LPXN: variants seen among roughly 807,000 people sequenced by gnomAD.
LPXN encodes the protein leupaxin.
A neutral mutation model predicts 45.6 loss-of-function variants in LPXN; 28 were observed. The ratio of observed to expected loss-of-function variants is 0.61; its 90% CI spans 0.45 to 0.84. LPXN has a LOEUF of 0.84. LPXN is among the 40% of genes least tolerant of loss of function. The pLI is 0.00. For missense variants in LPXN, 459 were observed against 475.0 expected, an observed-to-expected ratio of 0.97 and a Z score of 0.31; for synonymous variants, 166 against 169.9, an observed-to-expected ratio of 0.98 and a Z score of 0.18.
chr11:58,551,029 A>G (rs771583487), intron 5 of LPXN, 36 bp downstream of exon 5: 4 of 1,509,244 alleles, frequency 2.7e-6, no homozygotes, highest in African/African-American at 2.8e-5. Context: ...AGAGAGACAA[A>G]GAAGGCTGTA....
At position 58,570,655 on chromosome 11, in the gene LPXN, G is replaced by A; in HGVS notation, c.72C>T (p.Asn24=). The change falls in exon 2 of 9, where the codon AAC becomes AAT. Residue 24 remains asparagine, a synonymous_variant. Transcript: ENST00000395074. ...STLQDSDEYS[N]PAPLPLDQHS... is the part of the protein sequence containing the mutation. ...GCTGATCCAGGGGAAGAGGAGCTGG[G>A]TTGGAATATTCATCACTGTCCTGAA... The A allele has an allele frequency of 1.2e-6, 2 of 1,613,942 alleles. No homozygotes were observed. Among genetic ancestry groups the A allele is most frequent in the Non-Finnish European group, 1.7e-6 (2 of 1,179,920 alleles).
intron 1 of LPXN, among the ~76,000 whole-genome samples, chr11:58,573,775 A>G (rs1321373428): frequency 1.3e-5 from 2 of 152,172 alleles, no homozygotes; most frequent in Non-Finnish European, 2.9e-5. Context: ...TCTTCTCTGT[A>G]GTCTTTTACT....
chr11:58,551,408 C>T (rs557682596), intron 4 of LPXN, among the ~76,000 whole-genome samples, 176 bp from the exon 5 acceptor site: 1 of 152,318 alleles, frequency 6.6e-6, no homozygotes, highest in East Asian at 1.9e-4. Flanking sequence ...TTTCATCTCC[C>T]TTTCATCCTA....
rs1007821444 is a variant in LPXN at position 58,527,510 on chromosome 11, C to T, written c.1105G>A (p.Glu369Lys). The T allele has an allele frequency of 6.2e-7, 1 of 1,614,164 alleles. No individual in the cohort carries two copies. The highest frequency in any genetic ancestry group is 2.2e-5 in the East Asian group (1 of 44,888). The change falls in exon 9 of 9, where the codon GAG becomes AAG. Residue 369 changes from glutamate (E) to lysine (K), a missense_variant. Glu to Lys is a moderately conservative substitution (Grantham distance 56). Coordinates refer to ENST00000395074, the MANE Select transcript of LPXN (RefSeq NM_004811.3). ...LTQLSKGIFR[E>K]QNDKTYCQPC... ...TGACAATAGGTCTTGTCATTCTGCT[C>T]CCTGAAAATGCCCTTCGACAACTGT...
At chr11:58,530,260 TC>T (rs1327157601) in intron 7 of LPXN, among the ~76,000 whole-genome samples, 4 of 152,056 alleles carry the variant, frequency 2.6e-5, no homozygotes, top group African/African-American at 9.7e-5. Flanking sequence ...GCTCGGTAGG[TC>T]CCACCCCCAT....
intron 3 of LPXN, among the ~76,000 whole-genome samples, chr11:58,557,209 T>G (rs1854230426): frequency 6.6e-6 from 1 of 152,096 alleles, no homozygotes; most frequent in African/African-American, 2.4e-5. Context: ...ACAAAATAAA[T>G]GGAATTACCA....
upstream of LPXN, among the ~76,000 whole-genome samples, chr11:58,577,100 C>T (rs1854914747): frequency 1.4e-5 from 2 of 144,360 alleles, no homozygotes; most frequent in Admixed American, 6.9e-5. Flanking sequence ...CCCACAGTGG[C>T]TTTTTTTTTT....
chr11:58,527,492 A>G lies in LPXN; in HGVS notation c.1123T>C (p.Tyr375His). The change falls in exon 9 of 9, where the codon TAT becomes CAT. Residue 375 changes from tyrosine (Y) to histidine (H), a missense_variant. Physicochemically the swap from Tyr to His is moderately conservative, Grantham distance 83. Transcript: ENST00000395074. ...AGCTTATTGAAGCAAGGTTGACAAT[A>G]GGTCTTGTCATTCTGCTCCCTGAAA... Reference protein sequence around the residue: ...GIFREQNDKTYCQPCFNKLFP... With the variant: ...GIFREQNDKTHCQPCFNKLFP... 6.2e-7 allele frequency: 1 copy of G among 1,614,234 alleles called. No individual in the cohort carries two copies. Among genetic ancestry groups the G allele is most frequent in the Non-Finnish European group, 8.5e-7 (1 of 1,180,052 alleles).
chr11:58,575,748 C>G lies in LPXN; in HGVS notation c.13+12G>C, dbSNP rs114681673. ...CACTCCCTCAGAGTTTCTCCTCAGGCTCCTCACTCACCTAACTCTTCCATT... is the reference window on the plus strand; with the variant it reads ...CACTCCCTCAGAGTTTCTCCTCAGGGTCCTCACTCACCTAACTCTTCCATT... On this transcript the variant is annotated intron_variant, in intron 1 of 8. Coordinates refer to ENST00000395074, the MANE Select transcript of LPXN (RefSeq NM_004811.3). 1.8e-3 allele frequency: 2,957 copies of G among 1,614,182 alleles called. 47 individuals are homozygous for G. The African/African-American group carries it at 0.036, about 20-fold the overall frequency.
At chr11:58,560,098 G>A (rs1298174302) in intron 3 of LPXN, among the ~76,000 whole-genome samples, 1 of 152,138 alleles carries the variant, frequency 6.6e-6, no homozygotes, top group Non-Finnish European at 1.5e-5. Flanking sequence ...ACGCACATGA[G>A]TTTATGAAAT....
At chr11:58,549,920 C>T in intron 6 of LPXN, 53 bp from the exon 7 acceptor site, 4 of 1,613,930 alleles carry the variant, frequency 2.5e-6, no homozygotes, top group Non-Finnish European at 3.4e-6. Flanking sequence ...TAAAGCATGA[C>T]TCTGGTTCTA....
intron 3 of LPXN, among the ~76,000 whole-genome samples, chr11:58,558,389 C>T (rs1854273112): frequency 6.6e-6 from 1 of 151,286 alleles, no homozygotes; most frequent in African/African-American, 2.4e-5. Flanking sequence ...ATTTAAAAAT[C>T]AGCCAGATGT....
intron 2 of LPXN, among the ~76,000 whole-genome samples, chr11:58,566,393 T>C (rs576409200): frequency 6.6e-6 from 1 of 152,324 alleles, no homozygotes; most frequent in Non-Finnish European, 1.5e-5. Context: ...GCTGTCTTTC[T>C]ACCTTCATTC....
At chr11:58,536,821 A>C (rs1008828688) in intron 7 of LPXN, among the ~76,000 whole-genome samples, 5 of 152,108 alleles carry the variant, frequency 3.3e-5, no homozygotes, top group African/African-American at 1.2e-4. Flanking sequence ...AAGAAAAAAA[A>C]ACAACCCCAT....
chr11:58,577,917 T>C (rs1426712738), upstream of LPXN: 1 of 1,316,688 alleles, frequency 7.6e-7, no homozygotes, highest in Non-Finnish European at 1.0e-6. Flanking sequence ...AAGAGCCAAC[T>C]GAGTAGTGGG....
chr11:58,528,257 G>A (rs1322068392), intron 7 of LPXN, 66 bp from the exon 8 acceptor site: 4 of 1,459,716 alleles, frequency 2.7e-6, no homozygotes, highest in Non-Finnish European at 3.8e-6. Flanking sequence ...TGGAGACTGA[G>A]AGGAGGCCCT....
chr11:58,574,595 A>G (rs1412596088), intron 1 of LPXN, among the ~76,000 whole-genome samples: 2 of 152,120 alleles, frequency 1.3e-5, no homozygotes, highest in Non-Finnish European at 2.9e-5. Context: ...AGAGAAAAAG[A>G]AAAAAGGCCC....
intron 3 of LPXN, among the ~76,000 whole-genome samples, chr11:58,563,859 G>C (rs1386518121): frequency 6.6e-6 from 1 of 152,162 alleles, no homozygotes; most frequent in East Asian, 1.9e-4. Flanking sequence ...ATAACATCTG[G>C]AATAGCGTGG....
chr11:58,572,545 CACTG>C (rs1410781172), intron 1 of LPXN, among the ~76,000 whole-genome samples: 3 of 152,178 alleles, frequency 2.0e-5, no homozygotes, highest in Non-Finnish European at 2.9e-5. Context: ...GACTATTGAA[CACTG>C]ACTGGATATT....
Sources: gnomAD v4.1 joint callset for allele counts (sites outside exome capture counted in the v4.1 genomes callset) on GRCh38, gnomAD v4.1.1 for gene constraint, MANE v1.5 for transcripts, NCBI Gene and HGNC (gene_info 2026-07-23, HGNC 2026-07-21) for gene names.